The following KLHDC8A variants were observed in gnomAD, a reference collection of about 807,000 sequenced individuals.
The protein encoded by KLHDC8A is kelch domain containing 8A.
KLHDC8A carries 21 observed loss-of-function variants against 33.1 expected under a neutral mutation model. The ratio of observed to expected loss-of-function variants is 0.64; its 90% CI spans 0.45 to 0.91. The LOEUF is 0.91. Among genes scored for constraint, KLHDC8A ranks in the 40% least tolerant of loss-of-function variants. The pLI, the probability that KLHDC8A is intolerant of heterozygous loss-of-function variation, is 0.00. For missense variants in KLHDC8A, 435 were observed against 483.3 expected, an observed-to-expected ratio of 0.90 and a Z score of 0.94; for synonymous variants, 173 against 193.5, an observed-to-expected ratio of 0.89 and a Z score of 0.88.
intron 1 of KLHDC8A, among the ~76,000 whole-genome samples, chr1:205,345,741 AAAAAC>A (rs1044907353): frequency 1.4e-4 from 22 of 152,234 alleles, no homozygotes; most frequent in Admixed American, 1.0e-3. Flanking sequence ...ACTCTGTCTC[AAAAAC>A]AAAACAAAAC....
chr1:205,343,074 C>T (rs540452095), intron 2 of KLHDC8A, among the ~76,000 whole-genome samples, 155 bp downstream of exon 2: 42 of 152,184 alleles, frequency 2.8e-4, no homozygotes, highest in African/African-American at 8.4e-4. Context: ...GGTGTGGCGG[C>T]GGGAGGTGCA....
At position 205,356,641 on chromosome 1, in the gene KLHDC8A, A is replaced by T. The variant is rs925629483; in HGVS notation, c.-298T>A. 1 of 454,752 alleles carries T rather than the reference A, an allele frequency of 2.2e-6. No homozygotes were observed. The allele number at this position is 454,752 out of a possible 1,614,324, so 28.2% of individuals were successfully genotyped here. On this transcript the variant is annotated 5_prime_UTR_variant, in exon 1 of 6. Transcript: ENST00000367155. ...TGTTGGCTCTGAGGCTTGTCCTAGG[A>T]GCTGGCTGGGAATAGAGTCGGCAAG...
chr1:205,352,670 C>A (rs957853017), intron 1 of KLHDC8A, among the ~76,000 whole-genome samples: 6 of 152,200 alleles, frequency 3.9e-5, no homozygotes, highest in Non-Finnish European at 8.8e-5. Context: ...AAGGTGAGAA[C>A]CAGGCCAAGC....
In KLHDC8A at chr1:205,336,191, C is replaced by A. The variant is rs544138370; in HGVS notation, c.*1208G>T. ...CATTCTTCAAGTTTTCTAAAAGAAC[C>A]CTTTCTACTTTGGATAGGACAAAAA... On this transcript the variant is annotated 3_prime_UTR_variant, in exon 6 of 6. Transcript: ENST00000367155. 2 of 152,240 alleles carry A rather than the reference C, an allele frequency of 1.3e-5. No homozygotes were observed. Among genetic ancestry groups the A allele is most frequent in the South Asian group, 2.1e-4 (1 of 4,820 alleles). The allele number at this position is 152,240 out of a possible 1,614,324, so 9.4% of individuals were successfully genotyped here. A position where few individuals can be genotyped will look rare whatever the true frequency, so the allele number is the denominator to read the frequency against.
chr1:205,350,935 A>G (rs779402587), intron 1 of KLHDC8A, among the ~76,000 whole-genome samples: 14 of 152,228 alleles, frequency 9.2e-5, no homozygotes, highest in Non-Finnish European at 1.9e-4. Flanking sequence ...CCACAGACCC[A>G]CAGTCCAGCC....
rs1477305251 is a variant in KLHDC8A, at chr1:205,339,830, G to A, written c.377-22C>T. On this transcript the variant is annotated intron_variant, in intron 2 of 5. Coordinates refer to ENST00000367155, the MANE Select transcript of KLHDC8A (RefSeq NM_018203.3). This position sits in a 1 kb window ranked among gnomAD's most constrained non-coding sequence, Gnocchi z 5.1. ...TAATCTAAGAAGAAAGGCCATACAT[G>A]CCCCTGGCTTAGCTCACAGGTACAG... The A allele has an allele frequency of 6.2e-7, 1 of 1,609,116 alleles. No individual in the cohort carries two copies. The highest frequency in any genetic ancestry group is 1.1e-5 in the South Asian group (1 of 90,688).
chr1:205,347,485 C>T (rs908528873), intron 1 of KLHDC8A, among the ~76,000 whole-genome samples: 1 of 152,180 alleles, frequency 6.6e-6, no homozygotes, highest in South Asian at 2.1e-4. Flanking sequence ...TTTGGGAGGC[C>T]GAGGCAGGTG....
chr1:205,356,021 G>A (rs1427868788), intron 1 of KLHDC8A, among the ~76,000 whole-genome samples: 1 of 152,058 alleles, frequency 6.6e-6, no homozygotes, highest in Non-Finnish European at 1.5e-5. Flanking sequence ...GGTTTCTATT[G>A]ATCCCGTCAC....
At chr1:205,353,026 G>A (rs2102302063) in intron 1 of KLHDC8A, among the ~76,000 whole-genome samples, 1 of 152,314 alleles carries the variant, frequency 6.6e-6, no homozygotes, top group South Asian at 2.1e-4. Flanking sequence ...GGCCCAGAAA[G>A]GACTATTTTC....
chr1:205,356,429 CTG>C, intron 1 of KLHDC8A, 102 bp downstream of exon 1: 1 of 426,536 alleles, frequency 2.3e-6, no homozygotes, highest in Admixed American at 2.4e-5. Flanking sequence ...GCCTGTCTAC[CTG>C]GGCAGCCCTC....
At chr1:205,352,799 A>T (rs1017462313) in intron 1 of KLHDC8A, among the ~76,000 whole-genome samples, 3 of 152,188 alleles carry the variant, frequency 2.0e-5, no homozygotes, top group Non-Finnish European at 4.4e-5. Flanking sequence ...CCAGTGAAGG[A>T]GGGAGTGGCA....
In KLHDC8A at chr1:205,337,499, G is replaced by A; in HGVS notation, c.953C>T (p.Ala318Val). The part of the protein sequence containing the change: ...ILPAMPTPRC[A>V]CSSIVVKNCL... ...GTTCTTGACGACTATGCTGGAGCAG[G>A]CACAGCGGGGTGTGGGCATGGCAGG... The change falls in exon 6 of 6, where the codon GCC becomes GTC. Residue 318 changes from alanine to valine, a missense_variant. Coordinates refer to ENST00000367155, the MANE Select transcript of KLHDC8A (RefSeq NM_018203.3). 6.2e-7 allele frequency: 1 copy of A among 1,613,958 alleles called. No homozygotes were observed. Among genetic ancestry groups the A allele is most frequent in the Non-Finnish European group, 8.5e-7 (1 of 1,179,886 alleles).
At position 205,343,736 on chromosome 1, in the gene KLHDC8A, C is replaced by G; in HGVS notation, c.-132G>C. Reference sequence around the variant, plus strand: ...CCGAGCGCCGGACCCAGCCAGACCCCGGCCAGTGCTTCACCGTGCCCCGAG... The same window carrying G: ...CCGAGCGCCGGACCCAGCCAGACCCGGGCCAGTGCTTCACCGTGCCCCGAG... On this transcript the variant is annotated 5_prime_UTR_variant, in exon 2 of 6. Transcript: ENST00000367155. 1 of 977,730 alleles carries G rather than the reference C, an allele frequency of 1.0e-6. No individual in the cohort carries two copies. Among genetic ancestry groups the G allele is most frequent in the Non-Finnish European group, 1.5e-6 (1 of 682,492 alleles). The allele number at this position is 977,730 out of a possible 1,614,324, so 60.6% of individuals were successfully genotyped here. A position where few individuals can be genotyped will look rare whatever the true frequency, so the allele number is the denominator to read the frequency against.
Position 205,339,885 on chromosome 1 carries a change from C to T in KLHDC8A, c.377-77G>A, listed in dbSNP as rs2102280474. 7.1e-7 allele frequency: 1 copy of T among 1,413,410 alleles called. No individual in the cohort carries two copies. Among genetic ancestry groups the T allele is most frequent in the Non-Finnish European group, 9.7e-7 (1 of 1,030,744 alleles). The allele number at this position is 1,413,410 out of a possible 1,614,324, so 87.6% of individuals were successfully genotyped here. A position where few individuals can be genotyped will look rare whatever the true frequency, so the allele number is the denominator to read the frequency against. Reference sequence around the variant, plus strand: ...ACAGGCCCACCAGCATCTATTGCCTCCCATGGCCAGGCCAAGCTTTCAACC... The same window carrying T: ...ACAGGCCCACCAGCATCTATTGCCTTCCATGGCCAGGCCAAGCTTTCAACC... On this transcript the variant is annotated intron_variant, in intron 2 of 5. Transcript: ENST00000367155. The surrounding 1 kb of genome is among the most constrained non-coding windows in gnomAD (Gnocchi z 5.1).
chr1:205,351,129 T>C (rs1428793168), intron 1 of KLHDC8A: 4 of 659,770 alleles, frequency 6.1e-6, no homozygotes, highest in Non-Finnish European at 1.1e-5. Flanking sequence ...CGAAGATTCC[T>C]CTTGTTTCCA....
chr1:205,343,316 C>T lies in KLHDC8A; in HGVS notation c.289G>A (p.Val97Met), dbSNP rs539623489. The T allele has an allele frequency of 6.2e-7, 1 of 1,613,738 alleles. No homozygotes were observed. Among genetic ancestry groups the T allele is most frequent in the South Asian group, 1.1e-5 (1 of 91,078 alleles). The change falls in exon 2 of 6, where the codon GTG (valine) becomes ATG (methionine). Residue 97 changes from valine to methionine, a missense_variant. Transcript: ENST00000367155. Reference sequence around the variant, plus strand: ...CCCTCATCGATGTTGTACATCTCCACGACCTTCAGGGGCAGCTGATTGGTG... The same window carrying T: ...CCCTCATCGATGTTGTACATCTCCATGACCTTCAGGGGCAGCTGATTGGTG... ...VGTNQLPLKV[V>M]EMYNIDEGKW...
chr1:205,337,011 A>G lies in KLHDC8A; in HGVS notation c.*388T>C. ...CTAAGCTACCTTAAAACTAGTTCAG[A>G]GCTGGGGAAAGACAGCAACAGCAGT... On this transcript the variant is annotated 3_prime_UTR_variant, in exon 6 of 6. Transcript: ENST00000367155. 1 of 216,274 alleles carries G rather than the reference A, an allele frequency of 4.6e-6. No homozygotes were observed. Among genetic ancestry groups the G allele is most frequent in the Non-Finnish European group, 9.4e-6 (1 of 106,658 alleles). 13.4% of individuals were successfully genotyped at this position (216,274 alleles called of 1,614,324 possible).
In KLHDC8A at chr1:205,337,450, G is replaced by A; in HGVS notation, c.1002C>T (p.Val334=). 3 of 1,613,974 alleles carry A rather than the reference G, an allele frequency of 1.9e-6. No homozygotes were observed. The highest frequency in any genetic ancestry group is 2.5e-6 in the Non-Finnish European group (3 of 1,180,026). The change falls in exon 6 of 6, where the codon GTC becomes GTT. Residue 334 remains valine, a synonymous_variant. Transcript: ENST00000367155. ...CCACTGCGTCACTCAGACCCTGGTT[G>A]ACACCTCCCACGGCGAGGAGGCAGT... is the stretch of plus-strand genomic sequence containing the variant. ...VKNCLLAVGG[V]NQGLSDAVEA... is the part of the protein sequence containing the mutation.
chr1:205,350,512 G>C (rs529498370), intron 1 of KLHDC8A, among the ~76,000 whole-genome samples: 1 of 152,264 alleles, frequency 6.6e-6, no homozygotes, highest in South Asian at 2.1e-4. Context: ...GGACAGCAGA[G>C]CCTTTATGAG....
Sources: allele counts gnomAD v4.1 joint callset (sites outside exome capture counted in the v4.1 genomes callset), GRCh38; gene constraint gnomAD v4.1.1; non-coding constraint Gnocchi (gnomAD v3.1); transcripts MANE v1.5; gene names NCBI Gene and HGNC (gene_info 2026-07-23, HGNC 2026-07-21).